The following NOL4L variants were observed in gnomAD, a reference collection of about 807,000 sequenced individuals.
NOL4L encodes nucleolar protein 4-like.
In NOL4L, 7 loss-of-function variants were observed where a neutral mutation model predicts 64.5. That is an observed-to-expected ratio of 0.11 (90% CI 0.06 to 0.20). NOL4L has a LOEUF of 0.20. Among genes scored for constraint, NOL4L ranks in the 10% least tolerant of loss-of-function variants. The pLI, the probability that NOL4L is intolerant of heterozygous loss-of-function variation, is 1.00. For missense variants in NOL4L, 680 were observed against 967.1 expected (o/e 0.70, Z 3.94); for synonymous variants, 413 against 401.0 (o/e 1.03, Z -0.36).
At chr20:32,504,993 T>G (rs972332096) in intron 4 of NOL4L, among the ~76,000 whole-genome samples, 3 of 152,174 alleles carry the variant, frequency 2.0e-5, no homozygotes, top group Admixed American at 1.3e-4. Context: ...TCCTCTGAAC[T>G]CCCAGTTCAC....
chr20:32,495,910 TCATATCACTGCAC>T (rs1222487036), intron 4 of NOL4L, among the ~76,000 whole-genome samples: 1 of 152,114 alleles, frequency 6.6e-6, no homozygotes, highest in Non-Finnish European at 1.5e-5. Context: ...TGAGCTGTGA[TCATATCACTGCAC>T]CCCAATAAAA....
At chr20:32,501,789 C>T (rs1333878500) in intron 4 of NOL4L, among the ~76,000 whole-genome samples, 1 of 152,048 alleles carries the variant, frequency 6.6e-6, no homozygotes, top group African/African-American at 2.4e-5. Context: ...AAAATTGATA[C>T]ATCTGAGTAC....
At chr20:32,537,198 G>A (rs908601559) in intron 1 of NOL4L, 54 of 785,662 alleles carry the variant, frequency 6.9e-5, no homozygotes, top group African/African-American at 3.6e-4. Flanking sequence ...CAGACCCTCC[G>A]CGGTCAGTGC....
chr20:32,480,329 G>A (rs901074323), intron 4 of NOL4L, among the ~76,000 whole-genome samples: 1 of 152,220 alleles, frequency 6.6e-6, no homozygotes, highest in African/African-American at 2.4e-5. Context: ...CTGACCAGGA[G>A]CCCTGGGTGT....
rs1323683881 is a variant in NOL4L at position 32,452,915 on chromosome 20, C to T, written c.1589G>A (p.Arg530Gln). The T allele has an allele frequency of 8.1e-6, 13 of 1,613,936 alleles. No individual in the cohort carries two copies. Among genetic ancestry groups the T allele is most frequent in the South Asian group, 1.1e-5 (1 of 91,086 alleles). The change falls in exon 9 of 11, where the codon CGG becomes CAG. Residue 530 changes from arginine (R) to glutamine (Q), a missense_variant. Arg to Gln is a conservative substitution (Grantham distance 43). Transcript: ENST00000621426. ...GGACTGGTAGATCTCTAGACGCATC[C>T]GCTTGGCTGCCTTTCTTGTCTCGCT... is the stretch of plus-strand genomic sequence containing the variant. ...CESETRKAAK[R>Q]MRLEIYQSSQ...
At chr20:32,473,468 CCTTTT>C (rs891014260) in intron 5 of NOL4L, among the ~76,000 whole-genome samples, 2 of 152,190 alleles carry the variant, frequency 1.3e-5, no homozygotes, top group African/African-American at 4.8e-5. Context: ...AGCACAAAAG[CCTTTT>C]CTTTGCCGGC....
At chr20:32,572,108 G>C (rs1979778061) in intron 1 of NOL4L, among the ~76,000 whole-genome samples, 1 of 152,220 alleles carries the variant, frequency 6.6e-6, no homozygotes, top group Admixed American at 6.5e-5. Context: ...AAGCCTTGCT[G>C]TCAGAAGGAT....
chr20:32,454,420 C>A (rs1006410588), intron 6 of NOL4L, among the ~76,000 whole-genome samples: 2 of 150,786 alleles, frequency 1.3e-5, no homozygotes, highest in Non-Finnish European at 2.9e-5. Flanking sequence ...GGAGAGGGAA[C>A]CGGATCCGGC....
chr20:32,507,783 G>A (rs1568667497), intron 4 of NOL4L, among the ~76,000 whole-genome samples: 1 of 152,210 alleles, frequency 6.6e-6, no homozygotes, highest in African/African-American at 2.4e-5. Flanking sequence ...GCTAAGGCAG[G>A]TGGATCATGA....
At position 32,456,179 on chromosome 20, in the gene NOL4L, T is replaced by A. The variant is rs369163762; in HGVS notation, c.1058A>T (p.Asp353Val). 13 of 1,598,662 alleles carry A rather than the reference T, an allele frequency of 8.1e-6. No individual in the cohort carries two copies. The highest frequency in any genetic ancestry group is 1.1e-5 in the Non-Finnish European group (13 of 1,172,324). Residue 353 changes from aspartate to valine, a missense_variant, in exon 6 of 11, where the codon GAT (aspartate) becomes GTT (valine). By Grantham distance (152) the Asp-to-Val change is radical. Coordinates refer to ENST00000621426, the MANE Select transcript of NOL4L (RefSeq NM_001256798.2). The part of the protein sequence containing the change: ...TALGTASYPS[D>V]GCGADGLRSR... ...CCGCAGCCCGTCGGCACCGCAGCCA[T>A]CCGAGGGGTAGGAGGCTGTGCCAAG...
At chr20:32,520,752 G>C in intron 3 of NOL4L, 59 bp downstream of exon 3, 1 of 1,085,350 alleles carries the variant, frequency 9.2e-7, no homozygotes, top group Non-Finnish European at 1.3e-6. Flanking sequence ...GGCGTCTTCA[G>C]GGACAGTCCA....
intron 4 of NOL4L, among the ~76,000 whole-genome samples, chr20:32,499,185 T>G (rs185061715): frequency 6.6e-6 from 1 of 151,546 alleles, no homozygotes; most frequent in African/African-American, 2.4e-5. Flanking sequence ...CCAAAAAAAA[T>G]TTTTTTTTAA....
At chr20:32,457,550 G>A (rs1177053075) in intron 5 of NOL4L, among the ~76,000 whole-genome samples, 1 of 150,948 alleles carries the variant, frequency 6.6e-6, no homozygotes, top group Non-Finnish European at 1.5e-5. Context: ...TCCCCATGGC[G>A]ACCGAGCGGC....
At chr20:32,537,851 TCACTG>T (rs2018576695) in intron 1 of NOL4L, among the ~76,000 whole-genome samples, 1 of 151,708 alleles carries the variant, frequency 6.6e-6, no homozygotes, top group South Asian at 2.1e-4. Context: ...CCATCTCGGC[TCACTG>T]CAACCTCCGG....
At position 32,447,316 on chromosome 20, in the gene NOL4L, G is replaced by A; in HGVS notation, c.*280C>T. 1 of 607,888 alleles carries A rather than the reference G, an allele frequency of 1.6e-6. No homozygotes were observed. Among genetic ancestry groups the A allele is most frequent in the Non-Finnish European group, 3.0e-6 (1 of 330,432 alleles). 37.7% of individuals were successfully genotyped at this position (607,888 alleles called of 1,614,324 possible). A position where few individuals can be genotyped will look rare whatever the true frequency, so the allele number is the denominator to read the frequency against. The stretch of plus-strand genomic sequence containing the variant: ...GATTCTAAACAGAGCTGCAGCCCCA[G>A]CGCCTTGTCAGGGGAGCCCCCAACC... On this transcript the variant is annotated 3_prime_UTR_variant, in exon 11 of 11. Coordinates refer to ENST00000621426, the MANE Select transcript of NOL4L (RefSeq NM_001256798.2).
In NOL4L at chr20:32,443,374, G is replaced by A. The variant is rs563261208; in HGVS notation, c.*4222C>T. ...AGAACACAAATAATTTTTATAGAGA[G>A]CATTGAGGAGGAAGTCCTCACCTGC... On this transcript the variant is annotated 3_prime_UTR_variant, in exon 11 of 11. Coordinates refer to ENST00000621426, the MANE Select transcript of NOL4L (RefSeq NM_001256798.2). 6.6e-6 allele frequency: 1 copy of A among 152,208 alleles called. No homozygotes were observed. Among genetic ancestry groups the A allele is most frequent in the African/African-American group, 2.4e-5 (1 of 41,452 alleles). The allele number at this position is 152,208 out of a possible 1,614,324, so 9.4% of individuals were successfully genotyped here.
intron 4 of NOL4L, among the ~76,000 whole-genome samples, chr20:32,486,046 C>T (rs1248230615): frequency 1.3e-5 from 2 of 152,246 alleles, no homozygotes; most frequent in African/African-American, 4.8e-5. Flanking sequence ...GATAAAACAG[C>T]CCAGCCCTGC....
At chr20:32,483,439 C>T in intron 4 of NOL4L, 1 of 991,962 alleles carries the variant, frequency 1.0e-6, no homozygotes, top group Non-Finnish European at 1.2e-6. Flanking sequence ...AGCCCCACAG[C>T]TCCAGCTGCT....
At chr20:32,488,753 TCCTTCCTTCC>T (rs2016215916) in intron 4 of NOL4L, among the ~76,000 whole-genome samples, 1 of 50,550 alleles carries the variant, frequency 2.0e-5, no homozygotes, top group African/African-American at 1.4e-4. Flanking sequence ...TTCTTTTCCT[TCCTTCCTTCC>T]TTCCTTCCTT....
Sources: gnomAD v4.1 joint callset for allele counts (sites outside exome capture counted in the v4.1 genomes callset) on GRCh38, gnomAD v4.1.1 for gene constraint, MANE v1.5 for transcripts, NCBI Gene and HGNC (gene_info 2026-07-23, HGNC 2026-07-21) for gene names.